The following LIMCH1 variants were observed in gnomAD, a reference collection of about 807,000 sequenced individuals.
LIMCH1 encodes LIM and calponin homology domains-containing protein 1.
LIMCH1 carries 113 observed loss-of-function variants against 176.5 expected under a neutral mutation model. The observed-to-expected ratio is 0.64, with a 90% CI of 0.55 to 0.75. The LOEUF is 0.75. Among genes scored for constraint, LIMCH1 ranks in the 30% least tolerant of loss-of-function variants. The pLI, the probability that LIMCH1 is intolerant of heterozygous loss-of-function variation, is 0.00. For synonymous variants in LIMCH1, 619 were observed against 645.9 expected (o/e 0.96, Z 0.63); for missense variants, 1,674 against 1,814.9 (o/e 0.92, Z 1.41).
chr4:41,549,059 A>AT (rs1009802822), intron 1 of LIMCH1, among the ~76,000 whole-genome samples: 25 of 147,076 alleles, frequency 1.7e-4, no homozygotes, highest in East Asian at 9.9e-4. Context: ...CCTACTGTTA[A>AT]TTTTTTTTTT....
chr4:41,446,062 A>G lies in LIMCH1; in HGVS notation c.97-48474A>G, dbSNP rs192918490. ...CCTCAGTACATTGGGTAATTTTGTT[A>G]AAATAGGTTCTTCTTGTCAAAGGGT... On this transcript the variant is annotated intron_variant, in intron 1 of 26. Transcript: ENST00000313860. Among the ~76,000 whole-genome samples, 385 of 152,336 alleles carry G rather than the reference A, an allele frequency of 2.5e-3. 1 individual carries two copies. Among genetic ancestry groups the G allele is most frequent in the Non-Finnish European group, 4.4e-3 (302 of 68,028 alleles).
chr4:41,598,177 C>G (rs1022875192), intron 1 of LIMCH1, among the ~76,000 whole-genome samples: 5 of 152,106 alleles, frequency 3.3e-5, no homozygotes, highest in Non-Finnish European at 7.4e-5. Context: ...AAAGGATGAC[C>G]CACAATTTGC....
At position 41,434,370 on chromosome 4, in the gene LIMCH1, C is replaced by T. The variant is rs28390354; in HGVS notation, c.97-60166C>T. ...CTAGCCGGTTTCACTCCCATGGTCA[C>T]CAGGCCAGGCAGCAACCCAGACTAG... On this transcript the variant is annotated intron_variant, in intron 1 of 26. Transcript: ENST00000313860. Among the ~76,000 whole-genome samples, 373 of 152,332 alleles carry T rather than the reference C, an allele frequency of 2.4e-3. 2 individuals are homozygous for T. The highest frequency in any genetic ancestry group is 8.7e-3 in the African/African-American group (360 of 41,582).
At chr4:41,650,635 C>T in intron 18 of LIMCH1, 27 bp downstream of exon 18, 1 of 1,561,334 alleles carries the variant, frequency 6.4e-7, no homozygotes. Flanking sequence ...TCCCCGCCTC[C>T]CTTTGGGATA....
intron 1 of LIMCH1, among the ~76,000 whole-genome samples, chr4:41,549,443 G>A (rs2080073604): frequency 6.6e-6 from 1 of 152,146 alleles, no homozygotes; most frequent in Non-Finnish European, 1.5e-5. Context: ...CTGAACCCAG[G>A]AGGCTGATGC....
At chr4:41,572,808 A>G (rs1312172374) in intron 1 of LIMCH1, among the ~76,000 whole-genome samples, 3 of 152,210 alleles carry the variant, frequency 2.0e-5, no homozygotes, top group Non-Finnish European at 4.4e-5. Context: ...CTTTCTAGAC[A>G]TAAGGCAACG....
chr4:41,598,462 C>A, intron 1 of LIMCH1, among the ~76,000 whole-genome samples: 1 of 151,022 alleles, frequency 6.6e-6, no homozygotes, highest in South Asian at 2.1e-4. Context: ...ATGTAAAATA[C>A]ATCTAAAGAA....
chr4:41,662,858 C>A lies in LIMCH1; in HGVS notation c.3165C>A (p.Ser1055Arg), dbSNP rs759582356. Reference sequence around the variant, plus strand: ...TTACAACAACTGTGACTCGATGCAGCCCGACCGTGGCCTTTGTGGAATTTC... The same window carrying A: ...TTACAACAACTGTGACTCGATGCAGACCGACCGTGGCCTTTGTGGAATTTC... ...QHFTTTVTRC[S>R]PTVAFVEFPS... Residue 1055 changes from serine to arginine, a missense_variant, in exon 20 of 32, where the codon AGC (serine) becomes AGA (arginine). By Grantham distance (110) the Ser-to-Arg change is moderately radical (BLOSUM62 -1). Around this residue, in one of 3 missense-constraint regions of LIMCH1, gnomAD observed 1,015 missense variants for 1,102.5 expected, o/e 0.92. Coordinates refer to ENST00000503057, the MANE Select transcript of LIMCH1 (RefSeq NM_001330672.2). 5 of 1,614,024 alleles carry A rather than the reference C, an allele frequency of 3.1e-6. No individual in the cohort carries two copies. In the Admixed American group the frequency reaches 8.3e-5, roughly 27 times the overall value.
At chr4:41,411,663 G>GA (rs992345978) in intron 1 of LIMCH1, among the ~76,000 whole-genome samples, 18 of 132,974 alleles carry the variant, frequency 1.4e-4, no homozygotes, top group South Asian at 5.0e-4. Flanking sequence ...AGCTTTTAGG[G>GA]AAAAAAAAAA....
At chr4:41,631,589 A>G in intron 10 of LIMCH1, 112 bp downstream of exon 10, 1 of 892,704 alleles carries the variant, frequency 1.1e-6, no homozygotes, top group Non-Finnish European at 1.6e-6. Flanking sequence ...GTTTTAACAG[A>G]CTATGTATAG....
chr4:41,670,562 G>A (rs1196382606), intron 21 of LIMCH1, among the ~76,000 whole-genome samples: 1 of 152,162 alleles, frequency 6.6e-6, no homozygotes, highest in African/African-American at 2.4e-5. Flanking sequence ...TTTTATATGT[G>A]TGTTATTAAG....
intron 1 of LIMCH1, among the ~76,000 whole-genome samples, chr4:41,470,800 G>A (rs144214956): frequency 6.6e-6 from 1 of 151,986 alleles, no homozygotes; most frequent in East Asian, 1.9e-4. Flanking sequence ...CACTCCATGC[G>A]TGATTTCATC....
upstream of LIMCH1, among the ~76,000 whole-genome samples, chr4:41,534,770 T>G (rs1408497282): frequency 6.6e-6 from 1 of 152,140 alleles, no homozygotes; most frequent in Non-Finnish European, 1.5e-5. Context: ...TTGGAGTGTT[T>G]GATCCACATT....
intron 1 of LIMCH1, among the ~76,000 whole-genome samples, chr4:41,490,185 A>G (rs1441486905): frequency 6.6e-6 from 1 of 151,964 alleles, no homozygotes; most frequent in Non-Finnish European, 1.5e-5. Context: ...CTTTTAATCC[A>G]TGCGTAAGTG....
intron 1 of LIMCH1, among the ~76,000 whole-genome samples, chr4:41,432,756 G>T (rs189662376): frequency 2.0e-5 from 3 of 152,206 alleles, no homozygotes; most frequent in African/African-American, 7.2e-5. Flanking sequence ...CAATGGCAAC[G>T]ATCCTTCCTG....
At chr4:41,566,435 GAGGTTTTGAATGTGGGAA>G (rs1347608741) in intron 1 of LIMCH1, among the ~76,000 whole-genome samples, 1 of 147,442 alleles carries the variant, frequency 6.8e-6, no homozygotes, top group African/African-American at 2.4e-5. Flanking sequence ...AGCTTTGAGT[GAGGTTTTGAATGTGGGAA>G]AGGCTTTGAA....
intron 17 of LIMCH1, 83 bp downstream of exon 17, chr4:41,646,976 C>T: frequency 7.8e-7 from 1 of 1,286,664 alleles, no homozygotes; most frequent in African/African-American, 1.5e-5. Flanking sequence ...AAGAAAATGT[C>T]ATTCTTTTTA....
chr4:41,372,900 G>T (rs546926138), intron 1 of LIMCH1, among the ~76,000 whole-genome samples: 1 of 152,258 alleles, frequency 6.6e-6, no homozygotes, highest in African/African-American at 2.4e-5. Context: ...TCTTGGCTGC[G>T]ATTATTCCTG....
chr4:41,649,176 G>A (rs2094189128), intron 17 of LIMCH1, among the ~76,000 whole-genome samples: 1 of 152,188 alleles, frequency 6.6e-6, no homozygotes, highest in Non-Finnish European at 1.5e-5. Context: ...GAGGCAGGCA[G>A]ATCACTTGAG....
Sources: allele counts gnomAD v4.1 joint callset (sites outside exome capture counted in the v4.1 genomes callset), GRCh38; gene constraint gnomAD v4.1.1; regional missense constraint gnomAD v4.1.1; transcripts MANE v1.5; gene names NCBI Gene and HGNC (gene_info 2026-07-23, HGNC 2026-07-21).